The following TFEC variants were observed in gnomAD, a reference collection of about 807,000 sequenced individuals.
TFEC encodes class E basic helix-loop-helix protein 34.
TFEC carries 31 observed loss-of-function variants against 41.6 expected under a neutral mutation model. The ratio of observed to expected loss-of-function variants is 0.74; its 90% CI spans 0.56 to 1.01. TFEC has a LOEUF of 1.01. Ranked by LOEUF, TFEC falls within the 50% of genes least tolerant of loss-of-function variation. TFEC has a pLI of 0.00. For synonymous variants in TFEC, 143 were observed against 140.6 expected, an observed-to-expected ratio of 1.02 and a Z score of -0.12; for missense variants, 402 against 404.1, an observed-to-expected ratio of 0.99 and a Z score of 0.04.
intron 3 of TFEC, among the ~76,000 whole-genome samples, chr7:116,110,420 T>C (rs1027752231): frequency 3.3e-5 from 5 of 152,110 alleles, no homozygotes; most frequent in East Asian, 1.9e-4. Flanking sequence ...CAAGTAGTAG[T>C]TGTATCATGA....
intron 3 of TFEC, among the ~76,000 whole-genome samples, chr7:116,062,385 A>G (rs1796584229): frequency 6.7e-6 from 1 of 149,800 alleles, no homozygotes; most frequent in Non-Finnish European, 1.5e-5. Context: ...GCCTGGCACC[A>G]TTGTATCATT....
chr7:115,995,381 A>G (rs1370312539), intron 1 of TFEC, among the ~76,000 whole-genome samples: 2 of 152,186 alleles, frequency 1.3e-5, no homozygotes, highest in African/African-American at 2.4e-5. Context: ...GCATTTGACT[A>G]TGTATGCATA....
chr7:116,039,268 T>C (rs1394370814), intron 3 of TFEC, among the ~76,000 whole-genome samples: 1 of 151,968 alleles, frequency 6.6e-6, no homozygotes, highest in Non-Finnish European at 1.5e-5. Context: ...AGCTGTAAAC[T>C]GTATCCTTAA....
chr7:116,015,289 T>G (rs1421166987), intron 1 of TFEC, among the ~76,000 whole-genome samples: 3 of 152,092 alleles, frequency 2.0e-5, no homozygotes, highest in Admixed American at 1.3e-4. Context: ...GTTTCCTAAA[T>G]CTAATGCCTT....
chr7:116,139,714 G>A (rs998450544), intron 1 of TFEC, among the ~76,000 whole-genome samples: 1 of 152,302 alleles, frequency 6.6e-6, no homozygotes, highest in Non-Finnish European at 1.5e-5. Context: ...GTGTCCTGGA[G>A]AAGAAAGGTT....
chr7:116,149,278 G>A (rs1178330629), intron 1 of TFEC, among the ~76,000 whole-genome samples: 1 of 152,024 alleles, frequency 6.6e-6, no homozygotes, highest in Non-Finnish European at 1.5e-5. Context: ...ATAATGTAGG[G>A]AATGAGAGGG....
At chr7:116,097,110 A>G (rs558168438) in intron 3 of TFEC, among the ~76,000 whole-genome samples, 46 of 152,132 alleles carry the variant, frequency 3.0e-4, no homozygotes, top group Non-Finnish European at 6.2e-4. Context: ...AGAAAGAAAG[A>G]AAGAAAAAAG....
At chr7:115,958,616 T>C (rs1270574767) in intron 3 of TFEC, among the ~76,000 whole-genome samples, 1 of 151,862 alleles carries the variant, frequency 6.6e-6, no homozygotes, top group African/African-American at 2.4e-5. Context: ...TACCTAACTA[T>C]AGCATTTCCT....
chr7:116,103,434 G>A (rs946106401), intron 3 of TFEC, among the ~76,000 whole-genome samples: 2 of 152,034 alleles, frequency 1.3e-5, no homozygotes, highest in African/African-American at 4.8e-5. Flanking sequence ...CTAAACTCTA[G>A]AAACCTGAAA....
At chr7:116,141,969 T>C (rs1798550240) in intron 1 of TFEC, among the ~76,000 whole-genome samples, 1 of 152,160 alleles carries the variant, frequency 6.6e-6, no homozygotes, top group African/African-American at 2.4e-5. Context: ...GTTCAGATAT[T>C]ATTATGGTCT....
intron 1 of TFEC, among the ~76,000 whole-genome samples, chr7:115,997,926 TA>T (rs1399064606): frequency 6.6e-6 from 1 of 151,664 alleles, no homozygotes; most frequent in African/African-American, 2.4e-5. Flanking sequence ...GGAAAAAGAA[TA>T]AAAAAGAATT....
Position 115,940,595 on chromosome 7 carries a change from T to G in TFEC, c.1000A>C (p.Ser334Arg). 1 of 1,613,282 alleles carries G rather than the reference T, an allele frequency of 6.2e-7. No individual in the cohort carries two copies. The change falls in exon 8 of 8, where the codon AGT becomes CGT. Residue 334 changes from serine to arginine, a missense_variant. By Grantham distance (110) the Ser-to-Arg change is moderately radical (BLOSUM62 -1). Transcript: ENST00000265440. Reference protein sequence around the residue: ...ATSPAVSKESSRRSSFSSDDG... With the variant: ...ATSPAVSKESRRRSSFSSDDG... ...TCTGAGCTAAAGCTACTTCTCCTAC[T>G]GCTTTCTTTGGAAACTGCAGGGGAA... is the stretch of plus-strand genomic sequence containing the variant.
intron 3 of TFEC, among the ~76,000 whole-genome samples, chr7:116,072,895 A>T (rs1796863138): frequency 6.6e-6 from 1 of 151,556 alleles, no homozygotes; most frequent in Non-Finnish European, 1.5e-5. Flanking sequence ...TCTCCCTACT[A>T]ACAGGAACAA....
chr7:115,994,604 A>C (rs2130739988), intron 1 of TFEC, among the ~76,000 whole-genome samples: 1 of 152,360 alleles, frequency 6.6e-6, no homozygotes, highest in African/African-American at 2.4e-5. Flanking sequence ...CAGACTCATC[A>C]TCACTGGCCA....
chr7:116,112,133 AACAT>A (rs1797869093), intron 1 of TFEC: 1 of 559,916 alleles, frequency 1.8e-6, no homozygotes, highest in East Asian at 1.5e-4. Flanking sequence ...ATAAGGCAAA[AACAT>A]ACATTGGATG....
intron 3 of TFEC, among the ~76,000 whole-genome samples, chr7:116,098,174 T>A (rs2115919169): frequency 6.6e-6 from 1 of 152,280 alleles, no homozygotes; most frequent in Non-Finnish European, 1.5e-5. Flanking sequence ...TTTTTCTTTT[T>A]TTTGAGACGG....
chr7:116,009,424 C>T, intron 1 of TFEC, among the ~76,000 whole-genome samples: 1 of 152,106 alleles, frequency 6.6e-6, no homozygotes, highest in Non-Finnish European at 1.5e-5. Flanking sequence ...TTAAAATACA[C>T]TTGACACTGT....
At chr7:116,092,736 C>T (rs1295281042) in intron 3 of TFEC, among the ~76,000 whole-genome samples, 1 of 152,088 alleles carries the variant, frequency 6.6e-6, no homozygotes. Flanking sequence ...AGGCATATTT[C>T]TGAGATGTTT....
intron 3 of TFEC, among the ~76,000 whole-genome samples, chr7:116,093,081 G>A (rs1037120959): frequency 1.3e-5 from 2 of 152,090 alleles, no homozygotes; most frequent in Non-Finnish European, 2.9e-5. Flanking sequence ...CATTTACTGA[G>A]TACCTATTGA....
Sources: gnomAD v4.1 joint callset for allele counts (sites outside exome capture counted in the v4.1 genomes callset) on GRCh38, gnomAD v4.1.1 for gene constraint, MANE v1.5 for transcripts, NCBI Gene and HGNC (gene_info 2026-07-23, HGNC 2026-07-21) for gene names.